NOX4: variants seen among roughly 807,000 people sequenced by gnomAD.
The protein encoded by NOX4 is NADPH oxidase 4, also known as kidney oxidase-1.
Under a neutral mutation model 87.6 loss-of-function variants are expected in NOX4, and 69 were observed. That is an observed-to-expected ratio of 0.79 (90% CI 0.65 to 0.96). NOX4 has a LOEUF of 0.96. NOX4 is among the 40% of genes least tolerant of loss of function. The probability of loss-of-function intolerance (pLI) is 0.00; values close to 1 mark genes in which losing one functional copy is unlikely to be tolerated. For missense variants in NOX4, 680 were observed against 681.5 expected (o/e 1.00, Z 0.02); for synonymous variants, 275 against 238.2 (o/e 1.15, Z -1.42).
At chr11:89,579,538 G>GT in the NOX4 span, among the ~76,000 whole-genome samples, 1 of 151,758 alleles carries the variant, frequency 6.6e-6, no homozygotes, top group African/African-American at 2.4e-5. Flanking sequence ...GAATCTACCT[G>GT]TAAAATAGCC....
intron 2 of NOX4, among the ~76,000 whole-genome samples, chr11:89,488,722 C>T (rs1012424421): frequency 6.6e-6 from 1 of 152,068 alleles, no homozygotes; most frequent in African/African-American, 2.4e-5. Context: ...AGAGTTTTCT[C>T]CAAGTTGTTC....
the NOX4 span, among the ~76,000 whole-genome samples, chr11:89,560,990 C>CTATATATA: frequency 6.7e-4 from 49 of 73,446 alleles, no homozygotes; most frequent in Non-Finnish European, 9.4e-4. Context: ...CTCTCTCTCT[C>CTATATATA]TCTCTCTATA....
intron 17 of NOX4, among the ~76,000 whole-genome samples, chr11:89,330,331 A>G (rs1945417291): frequency 6.6e-6 from 1 of 152,116 alleles, no homozygotes; most frequent in South Asian, 2.1e-4. Context: ...CCTGAGCAAC[A>G]GAGCAATACT....
At chr11:89,573,007 A>G in the NOX4 span, among the ~76,000 whole-genome samples, 16 of 152,104 alleles carry the variant, frequency 1.1e-4, no homozygotes, top group South Asian at 8.3e-4. Flanking sequence ...CTCTTTTACT[A>G]TAGTTCACTG....
chr11:89,348,422 C>CA (rs76284877), intron 13 of NOX4, among the ~76,000 whole-genome samples: 11,125 of 146,674 alleles, frequency 0.076, 596 homozygotes, highest in Admixed American at 0.14. Context: ...CTCAAAAAAA[C>CA]AAAAAAAAAC....
At chr11:89,509,519 G>A in the NOX4 span, among the ~76,000 whole-genome samples, 1 of 151,928 alleles carries the variant, frequency 6.6e-6, no homozygotes, top group African/African-American at 2.4e-5. Flanking sequence ...ATAAAAGTTG[G>A]GAGCCATCAA....
chr11:89,367,640 A>C (rs1389693588), intron 12 of NOX4, among the ~76,000 whole-genome samples: 1 of 152,012 alleles, frequency 6.6e-6, no homozygotes, highest in East Asian at 1.9e-4. Context: ...CTTTAATGTG[A>C]TGTGTTTGCC....
chr11:89,389,246 T>C (rs1463537634), intron 11 of NOX4, among the ~76,000 whole-genome samples: 1 of 152,136 alleles, frequency 6.6e-6, no homozygotes, highest in Non-Finnish European at 1.5e-5. Flanking sequence ...ATGACATGTA[T>C]GAAAAATAGT....
At chr11:89,328,404 GT>G (rs572724410) in intron 17 of NOX4, among the ~76,000 whole-genome samples, 7 of 152,124 alleles carry the variant, frequency 4.6e-5, no homozygotes, top group Non-Finnish European at 8.8e-5. Flanking sequence ...TTTGCAAGGA[GT>G]AGAGGGGATA....
intron 11 of NOX4, among the ~76,000 whole-genome samples, chr11:89,394,451 T>C (rs1212242921): frequency 1.3e-5 from 2 of 152,058 alleles, no homozygotes; most frequent in African/African-American, 2.4e-5. Context: ...GGTGAAGAAA[T>C]GATTTTCAAA....
At chr11:89,333,223 A>T (rs1447124502) in intron 17 of NOX4, among the ~76,000 whole-genome samples, 2 of 151,838 alleles carry the variant, frequency 1.3e-5, no homozygotes, top group Admixed American at 1.3e-4. Context: ...ATTGTCCATG[A>T]TCAAAAGAAG....
rs1327358737 is a variant in NOX4 at position 89,327,165 on chromosome 11, A to C, written c.1617-289T>G. Among the ~76,000 whole-genome samples the C allele has an allele frequency of 1.6e-4, 24 of 152,184 alleles. 1 individual carries two copies. Among genetic ancestry groups the C allele is most frequent in the Admixed American group, 1.6e-3 (24 of 15,276 alleles). ...TTTATCAGTTTGCCTTAGTCTTTTCATGACTTGTCATTGGTGAAACCAGCA... is the reference window on the plus strand; with the variant it reads ...TTTATCAGTTTGCCTTAGTCTTTTCCTGACTTGTCATTGGTGAAACCAGCA... On this transcript the variant is annotated intron_variant, in intron 17 of 17. Coordinates refer to ENST00000263317, the MANE Select transcript of NOX4 (RefSeq NM_016931.5).
the NOX4 span, among the ~76,000 whole-genome samples, chr11:89,558,335 T>A: frequency 0.25 from 37,300 of 152,072 alleles, 5,561 homozygotes; most frequent in Middle Eastern, 0.35. Context: ...TTAATTACAT[T>A]ACTGAAAGTC....
At chr11:89,402,657 A>T in intron 8 of NOX4, 115 bp from the exon 9 acceptor site, 1 of 785,866 alleles carries the variant, frequency 1.3e-6, no homozygotes, top group South Asian at 1.7e-5. Context: ...TTTACACAGC[A>T]TTTATCCAAA....
At chr11:89,356,612 A>T (rs1388984159) in intron 12 of NOX4, among the ~76,000 whole-genome samples, 1 of 152,036 alleles carries the variant, frequency 6.6e-6, no homozygotes, top group African/African-American at 2.4e-5. Flanking sequence ...CTCCTGCCCA[A>T]TTTGGAATAG....
the NOX4 span, among the ~76,000 whole-genome samples, chr11:89,541,763 C>T: frequency 1.3e-5 from 2 of 152,124 alleles, no homozygotes; most frequent in East Asian, 1.9e-4. Flanking sequence ...AATAAGTAAA[C>T]GTCATTTGAT....
chr11:89,491,474 T>C, upstream of NOX4: 1 of 509,778 alleles, frequency 2.0e-6, no homozygotes. Context: ...CCGGGTCAGC[T>C]CTGCCCACTC....
chr11:89,395,395 G>A (rs547853944), intron 11 of NOX4, among the ~76,000 whole-genome samples: 2 of 152,204 alleles, frequency 1.3e-5, no homozygotes, highest in East Asian at 3.9e-4. Flanking sequence ...TGTAGATTCT[G>A]GATATTAGCT....
intron 2 of NOX4, among the ~76,000 whole-genome samples, chr11:89,476,602 T>C (rs2135458465): frequency 6.6e-6 from 1 of 152,278 alleles, no homozygotes; most frequent in Middle Eastern, 3.4e-3. Flanking sequence ...GTGCTCCTTT[T>C]TAAAAGAAAA....
Sources: allele counts gnomAD v4.1 joint callset (sites outside exome capture counted in the v4.1 genomes callset), GRCh38; gene constraint gnomAD v4.1.1; transcripts MANE v1.5; gene names NCBI Gene and HGNC (gene_info 2026-07-23, HGNC 2026-07-21).